The following NLGN1 variants were observed in gnomAD, a reference collection of about 807,000 sequenced individuals.
NLGN1 encodes neuroligin 1.
NLGN1 carries 12 observed loss-of-function variants against 65.5 expected under a neutral mutation model. That is an observed-to-expected ratio of 0.18 (90% CI 0.12 to 0.30). The LOEUF (loss-of-function observed/expected upper bound fraction) is 0.30, where lower values mean the gene tolerates loss of function less well. NLGN1 is among the 10% of genes least tolerant of loss of function. The pLI, the probability that NLGN1 is intolerant of heterozygous loss-of-function variation, is 1.00. For missense variants in NLGN1, 750 were observed against 1,007.1 expected (o/e 0.74, Z 3.46); for synonymous variants, 350 against 359.5 (o/e 0.97, Z 0.30).
At chr3:173,698,216 C>G (rs1351803718) in intron 3 of NLGN1, among the ~76,000 whole-genome samples, 1 of 152,074 alleles carries the variant, frequency 6.6e-6, no homozygotes, top group East Asian at 1.9e-4. Context: ...ATTAGACACT[C>G]AATAAATGAA....
chr3:173,685,546 A>AACAT, intron 3 of NLGN1: 1 of 633,628 alleles, frequency 1.6e-6, no homozygotes, highest in Non-Finnish European at 2.0e-6. Flanking sequence ...TGCATAGAAC[A>AACAT]AGGGCTGCCA....
chr3:173,895,557 A>C (rs188851297), intron 4 of NLGN1, among the ~76,000 whole-genome samples: 1 of 152,202 alleles, frequency 6.6e-6, no homozygotes, highest in South Asian at 2.1e-4. Context: ...CTTTTATTCT[A>C]TGTTACCAGG....
intron 2 of NLGN1, among the ~76,000 whole-genome samples, chr3:173,469,658 T>C (rs988454170): frequency 6.6e-6 from 1 of 151,498 alleles, no homozygotes; most frequent in African/African-American, 2.4e-5. Context: ...AAAAAATGCA[T>C]TCACAATGGT....
In NLGN1 at chr3:174,280,663, C is replaced by CTCA. The variant is rs1751386469; in HGVS notation, c.1835_1837dup (p.His612dup). On this transcript the variant is annotated inframe_insertion, in exon 7 of 7. Transcript: ENST00000457714. The surrounding 1 kb of genome is among the most constrained non-coding windows in gnomAD (Gnocchi z 4.9). Reference sequence around the variant, plus strand: ...GTGAACCTCTGGTTGGAGTTGGTACCTCATCTGCATAATCTCAATGACATT... The same window carrying CTCA: ...GTGAACCTCTGGTTGGAGTTGGTACCTCATCATCTGCATAATCTCAATGACATT... 6 of 1,613,242 alleles carry CTCA rather than the reference C, an allele frequency of 3.7e-6. No homozygotes were observed. The East Asian group carries it at 1.3e-4, about 36-fold the overall frequency.
chr3:173,719,982 C>T (rs1376590473), intron 3 of NLGN1, among the ~76,000 whole-genome samples: 1 of 152,030 alleles, frequency 6.6e-6, no homozygotes, highest in Non-Finnish European at 1.5e-5. Context: ...GGCATGGTGG[C>T]ACACGTCTAT....
At chr3:173,738,572 A>G (rs1774133847) in intron 3 of NLGN1, among the ~76,000 whole-genome samples, 1 of 152,094 alleles carries the variant, frequency 6.6e-6, no homozygotes, top group African/African-American at 2.4e-5. Flanking sequence ...AGGTATTTCT[A>G]GTTTCTTGAT....
chr3:174,111,331 G>C (rs1252497334), intron 4 of NLGN1, among the ~76,000 whole-genome samples: 3 of 151,766 alleles, frequency 2.0e-5, no homozygotes, highest in African/African-American at 7.2e-5. Context: ...TGTAAGAATG[G>C]AGACCAAAAA....
At chr3:173,688,323 C>T (rs149707948) in intron 3 of NLGN1, among the ~76,000 whole-genome samples, 2 of 152,244 alleles carry the variant, frequency 1.3e-5, no homozygotes, top group African/African-American at 4.8e-5. Context: ...ATGGAATCCT[C>T]TTATTTCATT....
intron 4 of NLGN1, among the ~76,000 whole-genome samples, chr3:173,986,672 G>A (rs565914141): frequency 4.6e-5 from 7 of 152,238 alleles, no homozygotes; most frequent in Non-Finnish European, 7.4e-5. Flanking sequence ...TAGGCTGCCC[G>A]CTTCAGGTGC....
chr3:174,257,417 A>G (rs1313812885), intron 4 of NLGN1, among the ~76,000 whole-genome samples: 1 of 152,182 alleles, frequency 6.6e-6, no homozygotes, highest in Admixed American at 6.5e-5. Flanking sequence ...TATATATCCA[A>G]AGGAATATTA....
At chr3:173,680,676 C>T (rs1057423699) in intron 3 of NLGN1, among the ~76,000 whole-genome samples, 1 of 152,138 alleles carries the variant, frequency 6.6e-6, no homozygotes, top group Non-Finnish European at 1.5e-5. Context: ...TTTCTGCATA[C>T]ATTTGAAATG....
At chr3:173,612,002 G>GT (rs544304206) in intron 3 of NLGN1, among the ~76,000 whole-genome samples, 28 of 151,006 alleles carry the variant, frequency 1.9e-4, no homozygotes, top group African/African-American at 5.3e-4. Context: ...GAATGCAATG[G>GT]TTTTTTTTTA....
intron 3 of NLGN1, among the ~76,000 whole-genome samples, chr3:173,681,515 A>G (rs1303196527): frequency 6.6e-6 from 1 of 152,144 alleles, no homozygotes; most frequent in African/African-American, 2.4e-5. Context: ...TGGCCTCTCC[A>G]AACCTCCCTG....
chr3:173,526,834 A>T (rs896061138), intron 2 of NLGN1, among the ~76,000 whole-genome samples: 1 of 152,240 alleles, frequency 6.6e-6, no homozygotes, highest in Admixed American at 6.5e-5. Context: ...CAAATAAGTG[A>T]GAACATGCAA....
At chr3:173,574,327 A>C (rs952392842) in intron 2 of NLGN1, among the ~76,000 whole-genome samples, 8 of 152,098 alleles carry the variant, frequency 5.3e-5, no homozygotes, top group East Asian at 3.9e-4. Context: ...TTAAATAGAA[A>C]TATTTGTGTA....
chr3:174,173,274 T>TAA (rs1235573457), intron 4 of NLGN1, among the ~76,000 whole-genome samples: 1 of 152,056 alleles, frequency 6.6e-6, no homozygotes, highest in Non-Finnish European at 1.5e-5. Flanking sequence ...TTTGACTTAT[T>TAA]CCTTTCCAAT....
chr3:173,398,034 G>GT (rs1308583763), upstream of NLGN1: 2 of 152,310 alleles, frequency 1.3e-5, no homozygotes, highest in African/African-American at 4.8e-5. Context: ...TGGGACCACA[G>GT]AGACCAAGAG....
chr3:173,467,338 A>G (rs1299211592), intron 2 of NLGN1, among the ~76,000 whole-genome samples: 5 of 152,066 alleles, frequency 3.3e-5, no homozygotes, highest in Admixed American at 6.6e-5. Flanking sequence ...CATAATTATA[A>G]TGTGCTGCAA....
At chr3:173,536,217 C>A (rs1316553259) in intron 2 of NLGN1, among the ~76,000 whole-genome samples, 1 of 152,118 alleles carries the variant, frequency 6.6e-6, no homozygotes, top group African/African-American at 2.4e-5. Flanking sequence ...CTGAGTTCTT[C>A]CAAGAGGTGA....
Sources: allele counts gnomAD v4.1 joint callset (sites outside exome capture counted in the v4.1 genomes callset), GRCh38; gene constraint gnomAD v4.1.1; non-coding constraint Gnocchi (gnomAD v3.1); transcripts MANE v1.5; gene names NCBI Gene and HGNC (gene_info 2026-07-23, HGNC 2026-07-21).